The following FRAS1 variants were observed in gnomAD, a reference collection of about 807,000 sequenced individuals.
The protein encoded by FRAS1 is extracellular matrix organizing protein FRAS1.
FRAS1 carries 290 observed loss-of-function variants against 435.2 expected under a neutral mutation model. The observed-to-expected ratio is 0.67, with a 90% CI of 0.61 to 0.73. The LOEUF is 0.73. Among genes scored for constraint, FRAS1 ranks in the 30% least tolerant of loss-of-function variants. The pLI, the probability that FRAS1 is intolerant of heterozygous loss-of-function variation, is 0.00. For synonymous variants in FRAS1, 1,800 were observed against 1,851.0 expected (o/e 0.97, Z 0.71); for missense variants, 4,860 against 5,001.5 (o/e 0.97, Z 0.85).
chr4:78,234,773 A>G (rs1724678157), intron 2 of FRAS1, among the ~76,000 whole-genome samples: 1 of 152,238 alleles, frequency 6.6e-6, no homozygotes, highest in South Asian at 2.1e-4. Context: ...TTTGAAGCAC[A>G]TTCCCTGAGA....
chr4:78,473,019 G>T (rs1719755171), intron 52 of FRAS1, among the ~76,000 whole-genome samples: 1 of 152,032 alleles, frequency 6.6e-6, no homozygotes, highest in Non-Finnish European at 1.5e-5. Flanking sequence ...ATTCTTATTA[G>T]CACATACCTT....
At chr4:78,060,424 T>C (rs1739704108) in intron 1 of FRAS1, among the ~76,000 whole-genome samples, 1 of 152,354 alleles carries the variant, frequency 6.6e-6, no homozygotes, top group African/African-American at 2.4e-5. Context: ...GACCAGCTTA[T>C]GGCAGAATTT....
intron 2 of FRAS1, among the ~76,000 whole-genome samples, chr4:78,140,302 CTGTT>C (rs1412015398): frequency 6.6e-6 from 1 of 152,078 alleles, no homozygotes; most frequent in Admixed American, 6.6e-5. Context: ...TTCTAACTGT[CTGTT>C]TTTTTCTTAG....
intron 2 of FRAS1, among the ~76,000 whole-genome samples, chr4:78,200,892 TATATAAATAC>T (rs1560577801): frequency 7.8e-6 from 1 of 127,676 alleles, no homozygotes; most frequent in Non-Finnish European, 1.7e-5. Context: ...TATATGTATA[TATATAAATAC>T]GTATATATAT....
chr4:78,409,118 C>CAAAA (rs35627834), intron 31 of FRAS1, among the ~76,000 whole-genome samples: 5 of 94,356 alleles, frequency 5.3e-5, no homozygotes, highest in African/African-American at 2.0e-4. Context: ...GACCCTCTCT[C>CAAAA]AAAAAAAAAA....
chr4:78,537,340 A>T (rs754183067), intron 72 of FRAS1, 140 bp downstream of exon 72: 43 of 791,274 alleles, frequency 5.4e-5, no homozygotes, highest in Non-Finnish European at 7.9e-5. Flanking sequence ...TTTCTTTCAG[A>T]TCAGCTAAAT....
intron 42 of FRAS1, 140 bp downstream of exon 42, chr4:78,445,852 C>A (rs1578329345): frequency 6.5e-6 from 9 of 1,390,716 alleles, no homozygotes; most frequent in Non-Finnish European, 8.4e-6. Flanking sequence ...AAAATATAGC[C>A]TTCAGGAATC....
intron 23 of FRAS1, among the ~76,000 whole-genome samples, chr4:78,371,288 G>C (rs1731496199): frequency 6.6e-6 from 1 of 152,060 alleles, no homozygotes; most frequent in African/African-American, 2.4e-5. Context: ...GGAAGCACGT[G>C]TACTGTCTTG....
chr4:78,356,801 A>G (rs2110287646), intron 20 of FRAS1, among the ~76,000 whole-genome samples: 1 of 149,622 alleles, frequency 6.7e-6, no homozygotes, highest in East Asian at 1.9e-4. Flanking sequence ...GTTGCCTTTC[A>G]TATAAAAAAA....
chr4:78,112,042 C>G lies in FRAS1; in HGVS notation c.108+46026C>G, dbSNP rs143784833. ...GAATCTTTGACATGCCAGTTTTGTA[C>G]TGTATTGACAATTTCTTTGATAATC... is the stretch of plus-strand genomic sequence containing the variant. On this transcript the variant is annotated intron_variant, in intron 2 of 73. Transcript: ENST00000512123. Among the ~76,000 whole-genome samples the G allele has an allele frequency of 5.9e-4, 90 of 152,172 alleles. 3 individuals carry two copies. Among genetic ancestry groups the G allele is most frequent in the African/African-American group, 2.1e-3 (86 of 41,548 alleles).
intron 2 of FRAS1, among the ~76,000 whole-genome samples, chr4:78,210,944 G>A (rs552296672): frequency 8.7e-4 from 132 of 152,266 alleles, no homozygotes; most frequent in African/African-American, 3.1e-3. Context: ...ACCCACCAAG[G>A]CTTCATTTCC....
chr4:78,076,232 C>T (rs767022896), intron 2 of FRAS1, among the ~76,000 whole-genome samples: 2 of 152,036 alleles, frequency 1.3e-5, no homozygotes, highest in Admixed American at 6.6e-5. Context: ...AACAGTGAGT[C>T]AGTACTAAGT....
At position 78,539,533 on chromosome 4, in the gene FRAS1, G is replaced by A. The variant is rs1578381457; in HGVS notation, c.11445+93G>A. Reference sequence around the variant, plus strand: ...AAGAAGGAGGACTGCAACATCTCTGGATTCTTCAACATTCTGCCATTCTTG... The same window carrying A: ...AAGAAGGAGGACTGCAACATCTCTGAATTCTTCAACATTCTGCCATTCTTG... On this transcript the variant is annotated intron_variant, in intron 73 of 73. Transcript: ENST00000512123. 39 of 1,153,784 alleles carry A rather than the reference G, an allele frequency of 3.4e-5. 1 individual carries two copies. In the East Asian group the frequency reaches 9.5e-4, roughly 28 times the overall value. 71.5% of individuals were successfully genotyped at this position (1,153,784 alleles called of 1,614,324 possible). A position where few individuals can be genotyped will look rare whatever the true frequency, so the allele number is the denominator to read the frequency against.
chr4:78,343,231 G>A (rs376520860), intron 20 of FRAS1, among the ~76,000 whole-genome samples: 1 of 152,200 alleles, frequency 6.6e-6, no homozygotes, highest in Non-Finnish European at 1.5e-5. Flanking sequence ...ATCATTTCCC[G>A]AGCACTGAAT....
intron 3 of FRAS1, among the ~76,000 whole-genome samples, chr4:78,239,757 A>G (rs965357067): frequency 6.6e-6 from 1 of 152,204 alleles, no homozygotes; most frequent in Non-Finnish European, 1.5e-5. Context: ...CAAAGGCTCT[A>G]TGGCAGAAGT....
chr4:78,067,263 T>TGA (rs1233826126), intron 2 of FRAS1, among the ~76,000 whole-genome samples: 2 of 151,998 alleles, frequency 1.3e-5, no homozygotes, highest in Non-Finnish European at 2.9e-5. Flanking sequence ...ATGGAAAAGA[T>TGA]GAGAGAGAGA....
At chr4:78,368,090 ATC>A (rs1731346425) in intron 22 of FRAS1, among the ~76,000 whole-genome samples, 1 of 151,960 alleles carries the variant, frequency 6.6e-6, no homozygotes, top group South Asian at 2.1e-4. Flanking sequence ...TATTTTTGGA[ATC>A]TCTATCAAAC....
At chr4:78,357,352 C>T (rs1730895581) in intron 20 of FRAS1, among the ~76,000 whole-genome samples, 1 of 152,198 alleles carries the variant, frequency 6.6e-6, no homozygotes, top group South Asian at 2.1e-4. Context: ...CACTGTGTCC[C>T]CATGACAAAA....
intron 14 of FRAS1, among the ~76,000 whole-genome samples, chr4:78,306,215 T>C (rs1728705748): frequency 6.6e-6 from 1 of 151,988 alleles, no homozygotes; most frequent in Admixed American, 6.5e-5. Context: ...GCTTGTAGAG[T>C]TTCGGCCAAG....
Sources: allele counts gnomAD v4.1 joint callset (sites outside exome capture counted in the v4.1 genomes callset), GRCh38; gene constraint gnomAD v4.1.1; transcripts MANE v1.5; gene names NCBI Gene and HGNC (gene_info 2026-07-23, HGNC 2026-07-21).